CNGB3: variants seen among roughly 807,000 people sequenced by gnomAD.
CNGB3 encodes cyclic nucleotide gated channel subunit beta 3, also known as cyclic nucleotide-gated channel beta-3.
CNGB3 carries 86 observed loss-of-function variants against 92.8 expected under a neutral mutation model. The ratio of observed to expected loss-of-function variants is 0.93; its 90% CI spans 0.78 to 1.11. The LOEUF (loss-of-function observed/expected upper bound fraction) is 1.11. CNGB3 is among the 50% of genes least tolerant of loss of function. CNGB3 has a pLI of 0.00. For missense variants in CNGB3, 1,026 were observed against 956.8 expected (o/e 1.07, Z -0.95); for synonymous variants, 333 against 332.7 (o/e 1.00, Z -0.01).
At chr8:86,690,785 A>C (rs1030554754) in intron 3 of CNGB3, among the ~76,000 whole-genome samples, 1 of 152,066 alleles carries the variant, frequency 6.6e-6, no homozygotes. Context: ...ATGGCTAGCC[A>C]GTTTTCCCAG....
intron 2 of CNGB3, among the ~76,000 whole-genome samples, chr8:86,729,099 TG>T (rs1825116607): frequency 6.6e-6 from 1 of 152,048 alleles, no homozygotes; most frequent in South Asian, 2.1e-4. Flanking sequence ...TTTGTCGAGA[TG>T]GGGTTTTGCC....
intron 3 of CNGB3, among the ~76,000 whole-genome samples, chr8:86,685,656 C>T (rs1285823541): frequency 2.0e-5 from 3 of 152,042 alleles, no homozygotes; most frequent in African/African-American, 7.2e-5. Context: ...AAAGCCCAGT[C>T]TATCTTACTG....
intron 3 of CNGB3, among the ~76,000 whole-genome samples, chr8:86,716,181 A>G (rs1027337347): frequency 2.6e-5 from 4 of 152,104 alleles, no homozygotes; most frequent in African/African-American, 4.8e-5. Flanking sequence ...ACAAAGGAAA[A>G]CAGAATACAA....
chr8:86,659,210 C>T (rs1585998628), intron 6 of CNGB3: 1 of 723,182 alleles, frequency 1.4e-6, no homozygotes, highest in East Asian at 2.5e-5. Context: ...TCCTCTGCTA[C>T]CGCATGGCCC....
intron 3 of CNGB3, among the ~76,000 whole-genome samples, chr8:86,700,109 C>A (rs1023625224): frequency 6.6e-6 from 1 of 151,760 alleles, no homozygotes; most frequent in African/African-American, 2.4e-5. Context: ...GAGACCTAAG[C>A]ATTTCCAAAA....
At chr8:86,646,152 T>C (rs1823288674) in intron 8 of CNGB3, among the ~76,000 whole-genome samples, 1 of 151,098 alleles carries the variant, frequency 6.6e-6, no homozygotes, top group South Asian at 2.1e-4. Context: ...CTGAAAATTG[T>C]TTATGTCCAA....
chr8:86,729,790 G>T (rs1050502154), intron 2 of CNGB3, among the ~76,000 whole-genome samples: 13 of 152,158 alleles, frequency 8.5e-5, no homozygotes, highest in Admixed American at 6.5e-5. Context: ...AAAATACAAG[G>T]CAAATCTTGC....
At chr8:86,591,673 C>G (rs564998372) in intron 15 of CNGB3, among the ~76,000 whole-genome samples, 2 of 152,344 alleles carry the variant, frequency 1.3e-5, no homozygotes, top group Admixed American at 1.3e-4. Flanking sequence ...GTGAGGGACC[C>G]ACTTGAGGAG....
chr8:86,725,649 T>C (rs1208844205), intron 3 of CNGB3, among the ~76,000 whole-genome samples: 1 of 152,176 alleles, frequency 6.6e-6, no homozygotes, highest in Admixed American at 6.6e-5. Context: ...CAATTGTTCA[T>C]TCAGCAATTC....
At chr8:86,684,146 A>G (rs1237407468) in intron 3 of CNGB3, among the ~76,000 whole-genome samples, 1 of 152,186 alleles carries the variant, frequency 6.6e-6, no homozygotes, top group Non-Finnish European at 1.5e-5. Flanking sequence ...AAAATTCAAC[A>G]GCAAAATACC....
Position 86,575,064 on chromosome 8 carries a change from T to A in CNGB3, c.*740A>T, listed in dbSNP as rs1009541549. 1 of 152,176 alleles carries A rather than the reference T, an allele frequency of 6.6e-6. No homozygotes were observed. The highest frequency in any genetic ancestry group is 1.5e-5 in the Non-Finnish European group (1 of 68,022). The allele number at this position is 152,176 out of a possible 1,614,324, so 9.4% of individuals were successfully genotyped here. On this transcript the variant is annotated 3_prime_UTR_variant, in exon 18 of 18. Coordinates refer to ENST00000320005, the MANE Select transcript of CNGB3 (RefSeq NM_019098.5). ...AGTCCCTTGAGCCAGATGAGTTAGG[T>A]AGATTGGTGTCTTTTAAGTTGGTTA...
chr8:86,683,466 T>A (rs1434555571), intron 3 of CNGB3, among the ~76,000 whole-genome samples: 1 of 152,174 alleles, frequency 6.6e-6, no homozygotes, highest in Non-Finnish European at 1.5e-5. Context: ...AAGGTGAAAT[T>A]AAACAAATTG....
chr8:86,668,708 A>G (rs1823798825), intron 4 of CNGB3, among the ~76,000 whole-genome samples: 1 of 149,286 alleles, frequency 6.7e-6, no homozygotes, highest in South Asian at 2.1e-4. Flanking sequence ...AAAAAAAAAG[A>G]ACAGGAAAAA....
intron 2 of CNGB3, among the ~76,000 whole-genome samples, chr8:86,731,173 C>T (rs315975): frequency 0.89 from 135,732 of 152,250 alleles, 60,801 homozygotes; most frequent in East Asian, 1. Flanking sequence ...AAAACAAACA[C>T]GCAAAACCCT....
intron 6 of CNGB3, among the ~76,000 whole-genome samples, chr8:86,655,406 C>T (rs988881432): frequency 6.6e-6 from 1 of 152,184 alleles, no homozygotes; most frequent in African/African-American, 2.4e-5. Flanking sequence ...CGGAGCATCC[C>T]AGAAACAGAA....
intron 11 of CNGB3, among the ~76,000 whole-genome samples, chr8:86,630,463 G>A (rs551509992): frequency 6.6e-6 from 1 of 152,310 alleles, no homozygotes; most frequent in African/African-American, 2.4e-5. Flanking sequence ...AGTTGAGGAA[G>A]ATGTATATTC....
intron 15 of CNGB3, among the ~76,000 whole-genome samples, chr8:86,602,782 G>A (rs772340672): frequency 2.0e-5 from 3 of 152,082 alleles, no homozygotes; most frequent in Non-Finnish European, 4.4e-5. Flanking sequence ...TTTCCACATA[G>A]CTGTTGAAGT....
intron 15 of CNGB3, among the ~76,000 whole-genome samples, chr8:86,586,070 G>A (rs1345383114): frequency 6.6e-6 from 1 of 152,072 alleles, no homozygotes; most frequent in Non-Finnish European, 1.5e-5. Context: ...TGCTTTGAAG[G>A]TCAATCATGC....
chr8:86,740,946 A>G (rs1161502676), intron 1 of CNGB3, among the ~76,000 whole-genome samples: 1 of 152,220 alleles, frequency 6.6e-6, no homozygotes, highest in Admixed American at 6.5e-5. Flanking sequence ...AAATATTTAT[A>G]TCATAGTCTT....
Sources: gnomAD v4.1 joint callset for allele counts (sites outside exome capture counted in the v4.1 genomes callset) on GRCh38, gnomAD v4.1.1 for gene constraint, MANE v1.5 for transcripts, NCBI Gene and HGNC (gene_info 2026-07-23, HGNC 2026-07-21) for gene names.